PRKCE: variants seen among roughly 807,000 people sequenced by gnomAD.
The protein encoded by PRKCE is protein kinase C epsilon type.
In PRKCE, 16 loss-of-function variants were observed where a neutral mutation model predicts 85.4. That is an observed-to-expected ratio of 0.19 (90% CI 0.13 to 0.28). The LOEUF (loss-of-function observed/expected upper bound fraction) is 0.28. Ranked by LOEUF, PRKCE falls within the 10% of genes least tolerant of loss-of-function variation. PRKCE has a pLI of 1.00. For synonymous variants in PRKCE, 388 were observed against 371.5 expected (o/e 1.04, Z -0.51); for missense variants, 573 against 975.2 (o/e 0.59, Z 5.49).
At chr2:46,143,949 A>T (rs567629302) in intron 11 of PRKCE, among the ~76,000 whole-genome samples, 1 of 151,992 alleles carries the variant, frequency 6.6e-6, no homozygotes. Context: ...ACGCCAGCAG[A>T]CCCCTCCTGC....
At chr2:46,181,705 AAC>A (rs1387291637) in intron 14 of PRKCE, among the ~76,000 whole-genome samples, 1 of 152,252 alleles carries the variant, frequency 6.6e-6, no homozygotes, top group East Asian at 1.9e-4. Flanking sequence ...CAACAGGTGA[AAC>A]ACAATCAGGT....
chr2:45,868,268 G>A (rs1232599026), intron 2 of PRKCE, among the ~76,000 whole-genome samples: 1 of 81,214 alleles, frequency 1.2e-5, no homozygotes, highest in Non-Finnish European at 2.2e-5. Context: ...CCCAGCTTGG[G>A]TTAAGAACAT....
chr2:45,706,999 A>G (rs1386060093), intron 1 of PRKCE, among the ~76,000 whole-genome samples: 2 of 152,114 alleles, frequency 1.3e-5, no homozygotes, highest in African/African-American at 4.8e-5. Context: ...TCGATTTTCC[A>G]CTTTGACTGG....
chr2:45,976,379 G>C, intron 2 of PRKCE, 50 bp from the exon 3 acceptor site: 1 of 1,571,492 alleles, frequency 6.4e-7, no homozygotes, highest in Non-Finnish European at 8.6e-7. Context: ...TCATTTTGAA[G>C]GTGCACTAAC....
Position 46,085,558 on chromosome 2 carries a change from G to GGACC in PRKCE, c.1438-650_1438-649insGACC, listed in dbSNP as rs1315975184. On this transcript the variant is annotated intron_variant, in intron 10 of 14. Transcript: ENST00000306156. ...TGGGGCTGTCTGCATCCTTTGGCTT[G>GGACC]TGACTGTTTCACTCCAATCTCTGCC... Among the ~76,000 whole-genome samples, 726 of 147,594 alleles carry GGACC rather than the reference G, an allele frequency of 4.9e-3. 13 individuals carry two copies. The highest frequency in any genetic ancestry group is 0.014 in the South Asian group (62 of 4,390).
intron 2 of PRKCE, among the ~76,000 whole-genome samples, chr2:45,868,899 A>G (rs987602767): frequency 5.3e-5 from 8 of 151,310 alleles, no homozygotes; most frequent in Non-Finnish European, 1.2e-4. Flanking sequence ...CAGAGGTTGC[A>G]GTGAGCCAAG....
intron 12 of PRKCE, among the ~76,000 whole-genome samples, chr2:46,149,575 C>G (rs571606483): frequency 6.6e-6 from 1 of 152,020 alleles, no homozygotes; most frequent in South Asian, 2.1e-4. Flanking sequence ...CATCATTGAT[C>G]TGCTACATAT....
At chr2:46,024,306 ATTT>A (rs34612971) in intron 10 of PRKCE, among the ~76,000 whole-genome samples, 2 of 139,350 alleles carry the variant, frequency 1.4e-5, no homozygotes, top group Non-Finnish European at 3.1e-5. Context: ...TTATGAGGAC[ATTT>A]TTTTTTTTTT....
At chr2:45,901,798 G>T (rs1282740889) in intron 2 of PRKCE, among the ~76,000 whole-genome samples, 1 of 152,208 alleles carries the variant, frequency 6.6e-6, no homozygotes, top group Admixed American at 6.5e-5. Context: ...TGAATTCTTG[G>T]AAGTCTGTAC....
In PRKCE at chr2:45,675,473, T is replaced by C. The variant is rs1353431595; in HGVS notation, c.348+23025T>C. The C allele has an allele frequency of 2.6e-5, 4 of 152,242 alleles. No homozygotes were observed. In the East Asian group the frequency reaches 7.7e-4, roughly 29 times the overall value. 9.4% of individuals were successfully genotyped at this position (152,242 alleles called of 1,614,324 possible). Reference sequence around the variant, plus strand: ...GCACTGTCATTTATCATTTCAGAATTGGAGTGAATTCTAAATGAATCATAA... The same window carrying C: ...GCACTGTCATTTATCATTTCAGAATCGGAGTGAATTCTAAATGAATCATAA... On this transcript the variant is annotated intron_variant, in intron 1 of 14. Coordinates refer to ENST00000306156, the MANE Select transcript of PRKCE (RefSeq NM_005400.3).
At chr2:45,673,402 T>C (rs980443235) in intron 1 of PRKCE, among the ~76,000 whole-genome samples, 1 of 152,224 alleles carries the variant, frequency 6.6e-6, no homozygotes, top group East Asian at 1.9e-4. Flanking sequence ...CTATTTTCCA[T>C]CAGTTTTCTG....
chr2:45,759,136 C>T (rs925230467), intron 1 of PRKCE, among the ~76,000 whole-genome samples: 1 of 152,188 alleles, frequency 6.6e-6, no homozygotes, highest in Non-Finnish European at 1.5e-5. Context: ...TGTCCCCTGC[C>T]CCTGCCCTCC....
intron 11 of PRKCE, among the ~76,000 whole-genome samples, chr2:46,099,260 C>G (rs1206198273): frequency 6.6e-6 from 1 of 152,100 alleles, no homozygotes; most frequent in Non-Finnish European, 1.5e-5. Context: ...ATATACTGAT[C>G]TCTTTCTACC....
intron 2 of PRKCE, among the ~76,000 whole-genome samples, chr2:45,849,851 G>C (rs1388784327): frequency 1.3e-5 from 2 of 152,116 alleles, no homozygotes; most frequent in Non-Finnish European, 2.9e-5. Flanking sequence ...TCTGTGTCTT[G>C]GGATTTTTGG....
intron 12 of PRKCE, among the ~76,000 whole-genome samples, chr2:46,147,587 A>G (rs536265395): frequency 4.6e-5 from 7 of 152,362 alleles, no homozygotes; most frequent in African/African-American, 1.7e-4. Flanking sequence ...CCCACCGTGC[A>G]GAAACATCTC....
chr2:45,808,033 A>T (rs1224910222), intron 1 of PRKCE, among the ~76,000 whole-genome samples: 1 of 152,072 alleles, frequency 6.6e-6, no homozygotes, highest in Non-Finnish European at 1.5e-5. Flanking sequence ...GGCTGCCCAC[A>T]GATTTCAGCG....
chr2:45,657,768 T>G (rs1224832536), intron 1 of PRKCE, among the ~76,000 whole-genome samples: 2 of 152,176 alleles, frequency 1.3e-5, no homozygotes, highest in African/African-American at 2.4e-5. Flanking sequence ...GATAGGCCTA[T>G]ACCCTGTTTG....
intron 2 of PRKCE, among the ~76,000 whole-genome samples, chr2:45,972,895 GA>G (rs1474465339): frequency 2.0e-5 from 3 of 152,060 alleles, no homozygotes; most frequent in Non-Finnish European, 2.9e-5. Flanking sequence ...AATAAAGACA[GA>G]AAAAACAATC....
intron 1 of PRKCE, among the ~76,000 whole-genome samples, chr2:45,749,139 C>T (rs1460025841): frequency 6.6e-6 from 1 of 152,186 alleles, no homozygotes; most frequent in Non-Finnish European, 1.5e-5. Context: ...ATCTGCTCAC[C>T]TCAGCTTCTC....
Sources: allele counts gnomAD v4.1 joint callset (sites outside exome capture counted in the v4.1 genomes callset), GRCh38; gene constraint gnomAD v4.1.1; transcripts MANE v1.5; gene names NCBI Gene and HGNC (gene_info 2026-07-23, HGNC 2026-07-21).